ASTN2: variants seen among roughly 807,000 people sequenced by gnomAD.
ASTN2 encodes astrotactin 2.
Under a neutral mutation model 139.8 loss-of-function variants are expected in ASTN2, and 54 were observed. The ratio of observed to expected loss-of-function variants is 0.39; its 90% confidence interval spans 0.31 to 0.48. The LOEUF is 0.48. ASTN2 is among the 20% of genes least tolerant of loss of function. ASTN2 has a pLI of 0.95. For synonymous variants in ASTN2, 756 were observed against 719.5 expected, an observed-to-expected ratio of 1.05 and a Z score of -0.81; for missense variants, 1,565 against 1,725.1, an observed-to-expected ratio of 0.91 and a Z score of 1.64.
At chr9:116,824,674 A>G (rs1308007894) in intron 11 of ASTN2, among the ~76,000 whole-genome samples, 4 of 152,256 alleles carry the variant, frequency 2.6e-5, no homozygotes, top group Non-Finnish European at 5.9e-5. Context: ...TGTGTGGGAT[A>G]ATAAATACTT....
intron 7 of ASTN2, among the ~76,000 whole-genome samples, chr9:117,006,883 G>A (rs550773693): frequency 5.9e-5 from 9 of 152,248 alleles, no homozygotes; most frequent in East Asian, 5.8e-4. Context: ...TTGGGAGGCC[G>A]AGGTGGGCGG....
At chr9:116,947,559 T>C (rs1835431971) in intron 10 of ASTN2, among the ~76,000 whole-genome samples, 2 of 152,214 alleles carry the variant, frequency 1.3e-5, no homozygotes, top group Non-Finnish European at 1.5e-5. Flanking sequence ...CTCATGAGGA[T>C]ATGCAGAAGG....
chr9:116,878,542 G>T (rs988837758), intron 10 of ASTN2, among the ~76,000 whole-genome samples: 17 of 152,028 alleles, frequency 1.1e-4, no homozygotes, highest in Non-Finnish European at 2.9e-5. Flanking sequence ...ACACACTGGG[G>T]CCTATCAGGG....
intron 13 of ASTN2, among the ~76,000 whole-genome samples, chr9:116,805,393 G>T (rs1455626816): frequency 6.6e-6 from 1 of 152,134 alleles, no homozygotes; most frequent in Non-Finnish European, 1.5e-5. Flanking sequence ...AATTTAAAAT[G>T]TGGGGCTAGA....
At chr9:116,527,874 T>C (rs1851162783) in intron 19 of ASTN2, among the ~76,000 whole-genome samples, 1 of 152,092 alleles carries the variant, frequency 6.6e-6, no homozygotes, top group Non-Finnish European at 1.5e-5. Context: ...GTGCCTTGCT[T>C]CTCCTACACC....
At chr9:117,217,821 A>T (rs988797730) in intron 2 of ASTN2, among the ~76,000 whole-genome samples, 3 of 152,238 alleles carry the variant, frequency 2.0e-5, no homozygotes, top group Admixed American at 6.5e-5. Flanking sequence ...TGAATGAAGG[A>T]ATGAATGACT....
chr9:116,824,475 C>T (rs1296056012), intron 11 of ASTN2, among the ~76,000 whole-genome samples: 4 of 152,182 alleles, frequency 2.6e-5, no homozygotes, highest in Admixed American at 6.5e-5. Context: ...GGAAGTAACA[C>T]CTCTGGCCAA....
At chr9:116,999,120 A>G (rs887261912) in intron 7 of ASTN2, among the ~76,000 whole-genome samples, 1 of 152,234 alleles carries the variant, frequency 6.6e-6, no homozygotes, top group Non-Finnish European at 1.5e-5. Flanking sequence ...AGTTCATATC[A>G]ATTGTGGAAA....
intron 10 of ASTN2, among the ~76,000 whole-genome samples, chr9:116,928,393 A>AG (rs397748701): frequency 6.6e-6 from 1 of 151,346 alleles, no homozygotes; most frequent in African/African-American, 2.4e-5. Flanking sequence ...TTCTAAAAAA[A>AG]TTCCACATAT....
At chr9:116,916,095 G>C (rs1425559337) in intron 10 of ASTN2, among the ~76,000 whole-genome samples, 3 of 152,156 alleles carry the variant, frequency 2.0e-5, no homozygotes, top group Non-Finnish European at 4.4e-5. Context: ...GTTGGTGTGG[G>C]GAAAACAATC....
chr9:116,495,970 A>C lies in ASTN2; in HGVS notation c.3356-8470T>G, dbSNP rs571075436. 3.3e-5 allele frequency among the ~76,000 whole-genome samples: 5 copies of C among 152,044 alleles called. No homozygotes were observed. In the East Asian group the frequency reaches 9.7e-4, roughly 30 times the overall value. ...AACATGCCAAACATACTCCCACCAC[A>C]GGGCTTTTGCACCTGTGGTTTCCAT... On this transcript the variant is annotated intron_variant, in intron 19 of 22. Transcript: ENST00000313400.
At position 116,424,728 on chromosome 9, in the gene ASTN2, C is replaced by T. The variant is rs141404494; in HGVS notation, c.*1123G>A. The stretch of plus-strand genomic sequence containing the variant: ...AAGTAGCTGGGATTGATTACAGGCA[C>T]GTGCCACCATGCCCTGCTATTTTTT... On this transcript the variant is annotated 3_prime_UTR_variant, in exon 23 of 23. Coordinates refer to ENST00000313400, the MANE Select transcript of ASTN2 (RefSeq NM_001365068.1). Among the ~76,000 whole-genome samples the T allele has an allele frequency of 9.0e-4, 137 of 152,042 alleles. No individual in the cohort carries two copies. The highest frequency in any genetic ancestry group is 3.1e-3 in the African/African-American group (129 of 41,486).
At chr9:116,930,687 G>A (rs1834872290) in intron 10 of ASTN2, among the ~76,000 whole-genome samples, 1 of 152,072 alleles carries the variant, frequency 6.6e-6, no homozygotes, top group African/African-American at 2.4e-5. Context: ...TAGAAGGGCA[G>A]GGAAGGGAGA....
In ASTN2 at chr9:116,442,341, G is replaced by A. The variant is rs1035916650; in HGVS notation, c.3598+112C>T. 19 of 830,588 alleles carry A rather than the reference G, an allele frequency of 2.3e-5. No individual in the cohort carries two copies. In the South Asian group the frequency reaches 2.7e-4, roughly 12 times the overall value. 51.5% of individuals were successfully genotyped at this position (830,588 alleles called of 1,614,324 possible). A position where few individuals can be genotyped will look rare whatever the true frequency, so the allele number is the denominator to read the frequency against. On this transcript the variant is annotated intron_variant, in intron 21 of 22. Coordinates refer to ENST00000313400, the MANE Select transcript of ASTN2 (RefSeq NM_001365068.1). Reference sequence around the variant, plus strand: ...TTAGTGCCTTCAATTTCTTCTCCCTGTGCCAGTGTGTCAGGGTGTGCGTGT... The same window carrying A: ...TTAGTGCCTTCAATTTCTTCTCCCTATGCCAGTGTGTCAGGGTGTGCGTGT...
chr9:117,191,274 T>C (rs536928500), intron 3 of ASTN2, among the ~76,000 whole-genome samples: 2 of 146,750 alleles, frequency 1.4e-5, no homozygotes, highest in East Asian at 4.0e-4. Flanking sequence ...AATAAATACA[T>C]TATGAAGCAG....
intron 3 of ASTN2, among the ~76,000 whole-genome samples, chr9:117,162,198 G>C (rs1452611578): frequency 6.6e-6 from 1 of 152,052 alleles, no homozygotes; most frequent in African/African-American, 2.4e-5. Context: ...CTTTTGAAGA[G>C]ATGATTTATA....
Position 117,363,419 on chromosome 9 carries a change from G to C in ASTN2, c.442+51078C>G, listed in dbSNP as rs142786899. 2.2e-3 allele frequency among the ~76,000 whole-genome samples: 334 copies of C among 152,296 alleles called. 3 individuals are homozygous for C. The highest frequency in any genetic ancestry group is 7.6e-3 in the African/African-American group (316 of 41,562). On this transcript the variant is annotated intron_variant, in intron 1 of 22. Coordinates refer to ENST00000313400, the MANE Select transcript of ASTN2 (RefSeq NM_001365068.1). ...TCTATAAGTAAAACAAAGCGCAGAA[G>C]AAATATGAAAATTGTTCAAGGTAAC... is the stretch of plus-strand genomic sequence containing the variant.
intron 1 of ASTN2, among the ~76,000 whole-genome samples, chr9:117,386,147 A>G (rs566559475): frequency 1.4e-4 from 21 of 148,124 alleles, no homozygotes; most frequent in East Asian, 3.9e-4. Flanking sequence ...AAAGGAGGGG[A>G]AAAAAAAAAG....
intron 19 of ASTN2, among the ~76,000 whole-genome samples, chr9:116,560,001 G>C (rs950922548): frequency 6.6e-6 from 1 of 152,170 alleles, no homozygotes; most frequent in Non-Finnish European, 1.5e-5. Context: ...GGTCTTGCTG[G>C]TTAATAAGTA....
Sources: gnomAD v4.1 joint callset for allele counts (sites outside exome capture counted in the v4.1 genomes callset) on GRCh38, gnomAD v4.1.1 for gene constraint, MANE v1.5 for transcripts, NCBI Gene and HGNC (gene_info 2026-07-23, HGNC 2026-07-21) for gene names.